CDH26: variants seen among roughly 807,000 people sequenced by gnomAD.
CDH26 encodes the protein cadherin-like protein 26.
In CDH26, 83 loss-of-function variants were observed where a neutral mutation model predicts 90.3. The ratio of observed to expected loss-of-function variants is 0.92; its 90% CI spans 0.77 to 1.10. The LOEUF (loss-of-function observed/expected upper bound fraction) is 1.10. Among genes scored for constraint, CDH26 ranks in the 50% least tolerant of loss-of-function variants. The probability of loss-of-function intolerance (pLI) is 0.00; values close to 1 mark genes in which losing one functional copy is unlikely to be tolerated. For missense variants in CDH26, 1,013 were observed against 1,037.6 expected, an observed-to-expected ratio of 0.98 and a Z score of 0.33; for synonymous variants, 397 against 396.3, an observed-to-expected ratio of 1.00 and a Z score of -0.02.
At chr20:60,019,766 C>T (rs1027840899) in intron 7 of CDH26, among the ~76,000 whole-genome samples, 1 of 152,070 alleles carries the variant, frequency 6.6e-6, no homozygotes, top group Non-Finnish European at 1.5e-5. Flanking sequence ...TGTTTCCTTG[C>T]CTGTTTTGTG....
intron 10 of CDH26, 24 bp from the exon 11 acceptor site, chr20:59,994,223 ACTC>A: frequency 1.2e-6 from 2 of 1,612,714 alleles, no homozygotes; most frequent in South Asian, 1.1e-5. Flanking sequence ...GAGATAAACA[ACTC>A]CTGAAACTTC....
chr20:60,033,332 A>G (rs2062058421), intron 8 of CDH26, among the ~76,000 whole-genome samples: 1 of 152,178 alleles, frequency 6.6e-6, no homozygotes, highest in Non-Finnish European at 1.5e-5. Context: ...GCTGTGGGTT[A>G]TTGTTTAACC....
chr20:60,004,213 T>C (rs527438568), intron 16 of CDH26, among the ~76,000 whole-genome samples: 6 of 152,336 alleles, frequency 3.9e-5, no homozygotes, highest in Non-Finnish European at 8.8e-5. Flanking sequence ...TGGTATGATG[T>C]GGCTTCACTA....
chr20:60,026,663 A>G (rs1023207738), intron 7 of CDH26, among the ~76,000 whole-genome samples: 1 of 152,234 alleles, frequency 6.6e-6, no homozygotes, highest in Non-Finnish European at 1.5e-5. Context: ...GCGCTTGGGC[A>G]TGCATTCTCC....
intron 13 of CDH26, among the ~76,000 whole-genome samples, chr20:59,998,137 C>T (rs1321418998): frequency 6.6e-6 from 1 of 152,264 alleles, no homozygotes; most frequent in African/African-American, 2.4e-5. Context: ...GGACAAACAG[C>T]AGTCTTTGTG....
intron 1 of CDH26, among the ~76,000 whole-genome samples, chr20:59,967,746 C>T (rs887856894): frequency 1.3e-5 from 2 of 149,470 alleles, no homozygotes; most frequent in Admixed American, 6.7e-5. Flanking sequence ...TCCTTCCTCC[C>T]TTCCCTTCCC....
intron 1 of CDH26, among the ~76,000 whole-genome samples, chr20:59,965,934 G>A (rs2061143012): frequency 6.6e-6 from 1 of 152,080 alleles, no homozygotes; most frequent in Non-Finnish European, 1.5e-5. Flanking sequence ...AGTTATGCAG[G>A]TATTTCCTGT....
chr20:59,991,928 G>A (rs1158905294), intron 9 of CDH26, among the ~76,000 whole-genome samples: 1 of 152,152 alleles, frequency 6.6e-6, no homozygotes, highest in Non-Finnish European at 1.5e-5. Flanking sequence ...ACCACTTTGA[G>A]GAATAGGGTT....
rs2061876329 is a variant in CDH26, at chr20:60,013,620, A to G, written c.*890A>G. ...ATGCTATTTGGACACTTTAATGCAC[A>G]TATTGGATATCTAAAAGTCTACAGC... On this transcript the variant is annotated 3_prime_UTR_variant, in exon 18 of 18. Transcript: ENST00000348616. The G allele has an allele frequency of 6.6e-6, 1 of 152,224 alleles. No individual in the cohort carries two copies. Among genetic ancestry groups the G allele is most frequent in the African/African-American group, 2.4e-5 (1 of 41,460 alleles). 9.4% of individuals were successfully genotyped at this position (152,224 alleles called of 1,614,324 possible).
intron 2 of CDH26, among the ~76,000 whole-genome samples, chr20:59,969,837 T>A (rs1177606772): frequency 6.6e-6 from 1 of 152,212 alleles, no homozygotes; most frequent in Non-Finnish European, 1.5e-5. Flanking sequence ...TCTGGATAGC[T>A]CCTGAAATTA....
chr20:60,030,395 T>G lies in CDH26; in HGVS notation c.948-836T>G, dbSNP rs972805007. ...ATCTGGGTTTTTTTTTGTTTGCTTT[T>G]TTTTGTTTTGTTTTGTTTTTGTTTT... On this transcript the variant is annotated intron_variant, in intron 7 of 8. Transcript: ENST00000370991. The surrounding 1 kb of genome is among the most constrained non-coding windows in gnomAD (Gnocchi z 4.0). Among the ~76,000 whole-genome samples the G allele has an allele frequency of 4.6e-5, 7 of 152,168 alleles. No individual in the cohort carries two copies. Among genetic ancestry groups the G allele is most frequent in the Non-Finnish European group, 1.0e-4 (7 of 68,032 alleles).
chr20:59,968,885 T>C (rs2061212019), intron 1 of CDH26, 82 bp from the exon 2 acceptor site: 13 of 648,282 alleles, frequency 2.0e-5, no homozygotes, highest in Non-Finnish European at 2.6e-6. Context: ...TTTCTAATTC[T>C]AGATTTGTGC....
At chr20:60,027,805 A>G (rs1211610289) in intron 7 of CDH26, among the ~76,000 whole-genome samples, 1 of 152,188 alleles carries the variant, frequency 6.6e-6, no homozygotes, top group Non-Finnish European at 1.5e-5. Context: ...TGAATTTTTG[A>G]TTTTATTTAA....
intron 7 of CDH26, among the ~76,000 whole-genome samples, chr20:60,026,390 TAGAG>T (rs60922926): frequency 0.021 from 2,946 of 139,218 alleles, 43 homozygotes; most frequent in East Asian, 0.049. Context: ...TGGCTGGAGT[TAGAG>T]AGAGAGAGAG....
chr20:60,016,830 T>C (rs1380610295), downstream of CDH26, among the ~76,000 whole-genome samples: 1 of 152,120 alleles, frequency 6.6e-6, no homozygotes, highest in African/African-American at 2.4e-5. Flanking sequence ...CATGAAAGGA[T>C]ACTGAATTTT....
At chr20:60,033,235 GT>G (rs1413007066) in intron 8 of CDH26, among the ~76,000 whole-genome samples, 1 of 152,140 alleles carries the variant, frequency 6.6e-6, no homozygotes, top group African/African-American at 2.4e-5. Context: ...CCTCTTACAG[GT>G]TTTTTGAGAA....
intron 17 of CDH26, among the ~76,000 whole-genome samples, chr20:60,010,051 G>C (rs766183955): frequency 1.3e-5 from 2 of 152,226 alleles, no homozygotes; most frequent in African/African-American, 4.8e-5. Context: ...GCATTCCCGC[G>C]CTTCTCGTGG....
chr20:60,019,209 T>A (rs904406727), downstream of CDH26, among the ~76,000 whole-genome samples: 1 of 152,166 alleles, frequency 6.6e-6, no homozygotes, highest in African/African-American at 2.4e-5. Flanking sequence ...TTGGAGTGAA[T>A]CTATTTGGAG....
At chr20:59,972,149 G>C (rs1569028518) in intron 4 of CDH26, 26 bp downstream of exon 4, 4 of 1,604,294 alleles carry the variant, frequency 2.5e-6, no homozygotes, top group Non-Finnish European at 2.6e-6. Context: ...TATATTCTAA[G>C]CTCGGATTTA....
Sources: allele counts gnomAD v4.1 joint callset (sites outside exome capture counted in the v4.1 genomes callset), GRCh38; gene constraint gnomAD v4.1.1; non-coding constraint Gnocchi (gnomAD v3.1); transcripts MANE v1.5; gene names NCBI Gene and HGNC (gene_info 2026-07-23, HGNC 2026-07-21).